Variants in SLC13A2 observed in about 807,000 individuals in gnomAD.
SLC13A2 encodes the protein solute carrier family 13 member 2.
In SLC13A2, 40 loss-of-function variants were observed where a neutral mutation model predicts 58.5. The ratio of observed to expected loss-of-function variants is 0.68; its 90% CI spans 0.53 to 0.89. The LOEUF is 0.89. Among genes scored for constraint, SLC13A2 ranks in the 40% least tolerant of loss-of-function variants. SLC13A2 has a pLI of 0.00. For synonymous variants in SLC13A2, 341 were observed against 331.6 expected, an observed-to-expected ratio of 1.03 and a Z score of -0.31; for missense variants, 694 against 772.6, an observed-to-expected ratio of 0.90 and a Z score of 1.21.
At position 28,496,252 on chromosome 17, in the gene SLC13A2, C is replaced by T. The variant is rs958377576; in HGVS notation, c.1471-198C>T. Among the ~76,000 whole-genome samples, 5 of 152,190 alleles carry T rather than the reference C, an allele frequency of 3.3e-5. No individual in the cohort carries two copies. The highest frequency in any genetic ancestry group is 6.5e-5 in the Admixed American group (1 of 15,280). ...CACCACACCCCACAAGGCAGGGCAG[C>T]ACACTCATTCCCTCCAGAGAGGTCA... On this transcript the variant is annotated intron_variant, in intron 10 of 11. Coordinates refer to ENST00000314669, the MANE Select transcript of SLC13A2 (RefSeq NM_003984.4). This position sits in a 1 kb window ranked among gnomAD's most constrained non-coding sequence, Gnocchi z 4.2.
chr17:28,476,192 C>T (rs2068667093), intron 1 of SLC13A2, among the ~76,000 whole-genome samples: 1 of 152,126 alleles, frequency 6.6e-6, no homozygotes, highest in African/African-American at 2.4e-5. Context: ...CATTTGATAC[C>T]CCAAAATACT....
intron 1 of SLC13A2, 43 bp from the exon 2 acceptor site, chr17:28,489,171 C>T: frequency 1.2e-6 from 2 of 1,605,400 alleles, no homozygotes; most frequent in Non-Finnish European, 1.7e-6. Flanking sequence ...AGCTCTGGGA[C>T]ACAGGCCCTC....
At position 28,480,156 on chromosome 17, in the gene SLC13A2, A is replaced by G. The variant is rs199961593; in HGVS notation, c.102+6342A>G. On this transcript the variant is annotated intron_variant, in intron 1 of 11. Transcript: ENST00000314669. ...GCAGCAGAGTGAGACTCTGTCTCAA[A>G]AAAAAAAAAAAGGGGGGGTCAAAAA... 1.1e-3 allele frequency among the ~76,000 whole-genome samples: 166 copies of G among 149,820 alleles called. 3 individuals are homozygous for G. In the East Asian group the frequency reaches 0.029, roughly 26 times the overall value.
intron 4 of SLC13A2, 112 bp from the exon 5 acceptor site, chr17:28,491,325 C>T: frequency 8.3e-7 from 1 of 1,197,850 alleles, no homozygotes; most frequent in Admixed American, 2.1e-5. Context: ...TCCTTCCAGC[C>T]CCGGTCTGGG....
Position 28,473,769 on chromosome 17 carries a change from C to T in SLC13A2, c.57C>T (p.Phe19=), listed in dbSNP as rs782412172. 6 of 1,614,080 alleles carry T rather than the reference C, an allele frequency of 3.7e-6. No individual in the cohort carries two copies. The highest frequency in any genetic ancestry group is 2.2e-5 in the East Asian group (1 of 44,886). Residue 19 remains phenylalanine, a synonymous_variant, in exon 1 of 12, where the codon TTC becomes TTT. Transcript: ENST00000314669. ...ATCGCTCCTACCTGATCGTGTTCTT[C>T]GTGCCCATTCTCCTGCTGCCTCTGC... ...WAYRSYLIVF[F]VPILLLPLPI...
rs143434481 is a variant in SLC13A2, at chr17:28,476,525, C to G, written c.102+2711C>G. Among the ~76,000 whole-genome samples, 50 of 152,230 alleles carry G rather than the reference C, an allele frequency of 3.3e-4. 2 individuals are homozygous for G. The South Asian group carries it at 8.3e-3, about 25-fold the overall frequency. On this transcript the variant is annotated intron_variant, in intron 1 of 11. Transcript: ENST00000314669. ...CCCTGGACTCCCCAGGCTCCCTCCCCCTGTGACCCACCTCTCGCTCACTCT... is the reference window on the plus strand; with the variant it reads ...CCCTGGACTCCCCAGGCTCCCTCCCGCTGTGACCCACCTCTCGCTCACTCT...
In SLC13A2 at chr17:28,497,698, T is replaced by C. The variant is rs1300517409; in HGVS notation, c.*429T>C. 1 of 162,198 alleles carries C rather than the reference T, an allele frequency of 6.2e-6. No individual in the cohort carries two copies. The highest frequency in any genetic ancestry group is 6.2e-5 in the Admixed American group (1 of 16,100). The allele number at this position is 162,198 out of a possible 1,614,324, so 10.0% of individuals were successfully genotyped here. On this transcript the variant is annotated 3_prime_UTR_variant, in exon 12 of 12. Transcript: ENST00000314669. ...TATTTATTGAAATTCAGGCTTGGAG[T>C]GGCCTGGGAGGAGGGCCTGCCAGCA...
At chr17:28,495,909 A>G in intron 10 of SLC13A2, 93 bp downstream of exon 10, 1 of 1,424,224 alleles carries the variant, frequency 7.0e-7, no homozygotes, top group Non-Finnish European at 9.5e-7. Context: ...CTGTCTTTGC[A>G]CCTCCTCTTT....
In SLC13A2 at chr17:28,490,547, A is replaced by C; in HGVS notation, c.325A>C (p.Ile109Leu). The C allele has an allele frequency of 6.2e-7, 1 of 1,612,462 alleles. No individual in the cohort carries two copies. Among genetic ancestry groups the C allele is most frequent in the Non-Finnish European group, 8.5e-7 (1 of 1,178,708 alleles). The change falls in exon 3 of 12, where the codon ATC becomes CTC. Residue 109 changes from isoleucine to leucine, a missense_variant. Physicochemically the swap from Ile to Leu is conservative, Grantham distance 5 (BLOSUM62 2). Transcript: ENST00000314669. Reference sequence around the variant, plus strand: ...GGAACACTGGAACCTGCATAAACGCATCGCCCTCCGTGTCCTCCTCATCGT... The same window carrying C: ...GGAACACTGGAACCTGCATAAACGCCTCGCCCTCCGTGTCCTCCTCATCGT... ...AVEHWNLHKR[I>L]ALRVLLIVGV...
intron 1 of SLC13A2, among the ~76,000 whole-genome samples, chr17:28,477,416 G>C (rs181101878): frequency 0.015 from 2,270 of 151,720 alleles, 28 homozygotes; most frequent in Middle Eastern, 0.065. Flanking sequence ...GGATGGTCTT[G>C]ATCTCCTGAC....
intron 1 of SLC13A2, among the ~76,000 whole-genome samples, chr17:28,484,910 A>G (rs569569289): frequency 6.6e-6 from 1 of 152,052 alleles, no homozygotes; most frequent in Admixed American, 6.6e-5. Flanking sequence ...CTGGGTGGAG[A>G]AGAGTGAGGA....
chr17:28,495,717 A>G lies in SLC13A2; in HGVS notation c.1371A>G (p.Pro457=). The G allele has an allele frequency of 6.2e-7, 1 of 1,612,900 alleles. No homozygotes were observed. The highest frequency in any genetic ancestry group is 8.5e-7 in the Non-Finnish European group (1 of 1,179,956). Residue 457 remains proline, a synonymous_variant, in exon 10 of 12, where the codon CCA becomes CCG. Transcript: ENST00000314669. ...CCCCACTGCAGAGTGTGCCAGCTCCAGCCATTGCCATCATCCTCTCCCTCC... is the reference window on the plus strand; with the variant it reads ...CCCCACTGCAGAGTGTGCCAGCTCCGGCCATTGCCATCATCCTCTCCCTCC... ...KLTPLQSVPA[P]AIAIILSLLV...
At position 28,497,213 on chromosome 17, in the gene SLC13A2, A is replaced by G; in HGVS notation, c.1723A>G (p.Asn575Asp). The change falls in exon 12 of 12, where the codon AAC (asparagine) becomes GAC (aspartate). Residue 575 changes from asparagine (N) to aspartate (D), a missense_variant. Physicochemically the swap from Asn to Asp is conservative, Grantham distance 23. Coordinates refer to ENST00000314669, the MANE Select transcript of SLC13A2 (RefSeq NM_003984.4). ...LHSFPSWAQS[N>D]TTAQCLPSLA... ...CTCTTTCCCCTCCTGGGCACAGTCC[A>G]ACACCACAGCCCAGTGCCTGCCAAG... The G allele has an allele frequency of 6.2e-7, 1 of 1,614,100 alleles. No individual in the cohort carries two copies. Among genetic ancestry groups the G allele is most frequent in the Non-Finnish European group, 8.5e-7 (1 of 1,179,998 alleles).
At chr17:28,475,859 C>T (rs1448036115) in intron 1 of SLC13A2, among the ~76,000 whole-genome samples, 1 of 152,204 alleles carries the variant, frequency 6.6e-6, no homozygotes, top group Non-Finnish European at 1.5e-5. Context: ...GTCCCCACTT[C>T]CCCTAGCTGA....
Position 28,490,462 on chromosome 17 carries a change from C to A in SLC13A2, c.240C>A (p.Val80=). 1 of 1,614,028 alleles carries A rather than the reference C, an allele frequency of 6.2e-7. No individual in the cohort carries two copies. The highest frequency in any genetic ancestry group is 8.5e-7 in the Non-Finnish European group (1 of 1,179,994). The change falls in exon 3 of 12, where the codon GTC becomes GTA. Residue 80 remains valine (V), a synonymous_variant. Transcript: ENST00000314669. The stretch of plus-strand genomic sequence containing the variant: ...ATGTCTCCACCTGCCAGGTTGCCGT[C>A]GAGTATCTTAAGGACTCCAACCTCC... ...MGIVDASEVA[V]EYLKDSNLLF...
At chr17:28,486,864 C>T (rs1555602068) in intron 1 of SLC13A2, among the ~76,000 whole-genome samples, 1 of 149,306 alleles carries the variant, frequency 6.7e-6, no homozygotes, top group Admixed American at 6.7e-5. Context: ...GTGGCGTGAT[C>T]TCAGCTCACT....
chr17:28,490,988 T>C, intron 4 of SLC13A2, 82 bp downstream of exon 4: 2 of 1,308,698 alleles, frequency 1.5e-6, no homozygotes, highest in Non-Finnish European at 2.1e-6. Context: ...CGAGGGCTGG[T>C]CATCTTGGAG....
At chr17:28,490,069 T>A (rs1258574813) in intron 2 of SLC13A2, among the ~76,000 whole-genome samples, 1 of 152,012 alleles carries the variant, frequency 6.6e-6, no homozygotes, top group Non-Finnish European at 1.5e-5. Flanking sequence ...AGCTCAGGAG[T>A]TCGAGACCAG....
Position 28,494,289 on chromosome 17 carries a change from C to G in SLC13A2, c.1187-102C>G. The G allele has an allele frequency of 4.4e-6, 7 of 1,597,856 alleles. No individual in the cohort carries two copies. The highest frequency in any genetic ancestry group is 4.3e-6 in the Non-Finnish European group (5 of 1,166,390). ...GCAGAACTGAGGGTCCCCTCCTGCACGCGTTAAGCTCCAAAAGGGACCCAC... is the reference window on the plus strand; with the variant it reads ...GCAGAACTGAGGGTCCCCTCCTGCAGGCGTTAAGCTCCAAAAGGGACCCAC... On this transcript the variant is annotated intron_variant, in intron 8 of 11. Coordinates refer to ENST00000314669, the MANE Select transcript of SLC13A2 (RefSeq NM_003984.4). This position sits in a 1 kb window ranked among gnomAD's most constrained non-coding sequence, Gnocchi z 4.0.
Sources: allele counts gnomAD v4.1 joint callset (sites outside exome capture counted in the v4.1 genomes callset), GRCh38; gene constraint gnomAD v4.1.1; non-coding constraint Gnocchi (gnomAD v3.1); transcripts MANE v1.5; gene names NCBI Gene and HGNC (gene_info 2026-07-23, HGNC 2026-07-21).